ADGRL2: variants seen among roughly 807,000 people sequenced by gnomAD.
ADGRL2 encodes adhesion G protein-coupled receptor L2, also known as calcium-independent alpha-latrotoxin receptor 2.
ADGRL2 carries 44 observed loss-of-function variants against 157.4 expected under a neutral mutation model. The ratio of observed to expected loss-of-function variants is 0.28; its 90% confidence interval spans 0.22 to 0.36. ADGRL2 has a LOEUF of 0.36. ADGRL2 is among the 10% of genes least tolerant of loss of function. The pLI is 1.00. For missense variants in ADGRL2, 1,510 were observed against 1,768.9 expected, an observed-to-expected ratio of 0.85 and a Z score of 2.63; for synonymous variants, 585 against 624.7, an observed-to-expected ratio of 0.94 and a Z score of 0.95.
At chr1:81,972,451 A>G (rs560539896) in intron 17 of ADGRL2, among the ~76,000 whole-genome samples, 88 of 152,296 alleles carry the variant, frequency 5.8e-4, no homozygotes, top group Admixed American at 8.5e-4. Flanking sequence ...TGAAGATACC[A>G]AATGAATATA....
At chr1:81,733,002 T>A (rs1202928088) in intron 1 of ADGRL2, among the ~76,000 whole-genome samples, 2 of 152,232 alleles carry the variant, frequency 1.3e-5, no homozygotes, top group Admixed American at 6.5e-5. Context: ...ATATTCACTA[T>A]GATGATCTGA....
chr1:81,373,369 C>T (rs1239565784), intron 1 of ADGRL2, among the ~76,000 whole-genome samples: 1 of 152,172 alleles, frequency 6.6e-6, no homozygotes, highest in Admixed American at 6.5e-5. Flanking sequence ...AAATGTCAAA[C>T]ATTTCCATCT....
intron 1 of ADGRL2, among the ~76,000 whole-genome samples, chr1:81,325,019 A>C (rs1340867327): frequency 6.6e-6 from 1 of 152,138 alleles, no homozygotes; most frequent in Non-Finnish European, 1.5e-5. Flanking sequence ...GCCCAGCCGG[A>C]AACTTTAAAC....
chr1:81,647,205 A>C (rs1438066275), intron 3 of ADGRL2, among the ~76,000 whole-genome samples: 1 of 152,208 alleles, frequency 6.6e-6, no homozygotes, highest in Non-Finnish European at 1.5e-5. Context: ...CATATCACAC[A>C]TAGTAGGTAC....
chr1:81,385,017 T>C (rs550469196), intron 1 of ADGRL2, among the ~76,000 whole-genome samples: 2 of 152,280 alleles, frequency 1.3e-5, no homozygotes, highest in South Asian at 2.1e-4. Context: ...TCCAACCAGA[T>C]ATCAAGTTGT....
chr1:81,966,769 A>C (rs1351058461), intron 13 of ADGRL2, among the ~76,000 whole-genome samples, 160 bp downstream of exon 13: 1 of 152,208 alleles, frequency 6.6e-6, no homozygotes, highest in African/African-American at 2.4e-5. Flanking sequence ...TAGGTCAGAG[A>C]CACAAGTTTA....
intron 1 of ADGRL2, among the ~76,000 whole-genome samples, chr1:81,408,923 G>T (rs61774029): frequency 0.05 from 7,655 of 152,230 alleles, 258 homozygotes; most frequent in Middle Eastern, 0.12. Context: ...TATTTCTTTG[G>T]ATCAAATAGG....
intron 1 of ADGRL2, among the ~76,000 whole-genome samples, chr1:81,390,820 A>G (rs1233766146): frequency 6.6e-6 from 1 of 152,424 alleles, no homozygotes; most frequent in Non-Finnish European, 1.5e-5. Flanking sequence ...TAACCAATCC[A>G]CTGTGGATGG....
At chr1:81,754,227 C>CTCTT (rs76662751) in intron 1 of ADGRL2, among the ~76,000 whole-genome samples, 20,063 of 133,512 alleles carry the variant, frequency 0.15, 1,666 homozygotes, top group South Asian at 0.23. Context: ...CTTCCTCTCT[C>CTCTT]TCTTTCTTTC....
intron 2 of ADGRL2, among the ~76,000 whole-genome samples, chr1:81,556,072 C>G (rs1229651858): frequency 6.6e-6 from 1 of 151,980 alleles, no homozygotes; most frequent in Non-Finnish European, 1.5e-5. Flanking sequence ...AAGGATCCTA[C>G]TGTAATATTA....
chr1:81,658,788 G>T (rs943433037), intron 3 of ADGRL2, among the ~76,000 whole-genome samples: 2 of 151,512 alleles, frequency 1.3e-5, no homozygotes, highest in East Asian at 3.9e-4. Flanking sequence ...TCTTGCTCTT[G>T]TTGCCCAGGC....
chr1:81,617,404 T>C (rs1202697091), intron 3 of ADGRL2, among the ~76,000 whole-genome samples: 3 of 152,152 alleles, frequency 2.0e-5, no homozygotes, highest in Admixed American at 6.5e-5. Context: ...GCCAAAAAGA[T>C]TGGGGACTGC....
chr1:81,882,391 C>G (rs1462470880), intron 2 of ADGRL2, among the ~76,000 whole-genome samples: 1 of 152,066 alleles, frequency 6.6e-6, no homozygotes, highest in African/African-American at 2.4e-5. Context: ...ATCTTAAAAA[C>G]TAGAGTAAAA....
chr1:81,874,628 T>TC (rs1236979039), intron 2 of ADGRL2, among the ~76,000 whole-genome samples: 34 of 102,966 alleles, frequency 3.3e-4, no homozygotes, highest in African/African-American at 6.5e-4. Flanking sequence ...TCTTGTCTTG[T>TC]CTTGTCTTGT....
intron 2 of ADGRL2, among the ~76,000 whole-genome samples, chr1:81,773,033 T>A (rs553828621): frequency 1.3e-5 from 2 of 152,318 alleles, no homozygotes; most frequent in Middle Eastern, 3.4e-3. Flanking sequence ...GTGTTCTCAC[T>A]TGATCCCAAG....
intron 2 of ADGRL2, among the ~76,000 whole-genome samples, chr1:81,488,824 T>C (rs2078565582): frequency 6.6e-6 from 1 of 152,014 alleles, no homozygotes; most frequent in South Asian, 2.1e-4. Context: ...TAAAAAGACC[T>C]GATGTCTACT....
intron 1 of ADGRL2, among the ~76,000 whole-genome samples, chr1:81,700,637 A>T (rs1277177920): frequency 2.0e-5 from 3 of 152,198 alleles, no homozygotes; most frequent in African/African-American, 4.8e-5. Flanking sequence ...GAAACAATAT[A>T]TGTAATTTGT....
chr1:81,495,458 T>C (rs909155173), intron 2 of ADGRL2, among the ~76,000 whole-genome samples: 1 of 152,214 alleles, frequency 6.6e-6, no homozygotes, highest in Admixed American at 6.5e-5. Context: ...TTCACATTTC[T>C]AATTAAATTC....
intron 1 of ADGRL2, among the ~76,000 whole-genome samples, chr1:81,439,157 T>C (rs2077462269): frequency 6.6e-6 from 1 of 152,242 alleles, no homozygotes; most frequent in African/African-American, 2.4e-5. Context: ...CATGTGTTGT[T>C]ATCACTGCCA....
Sources: allele counts gnomAD v4.1 joint callset (sites outside exome capture counted in the v4.1 genomes callset), GRCh38; gene constraint gnomAD v4.1.1; transcripts MANE v1.5; gene names NCBI Gene and HGNC (gene_info 2026-07-23, HGNC 2026-07-21).